BBX: variants seen among roughly 807,000 people sequenced by gnomAD.
BBX encodes the protein HMG box transcription factor BBX.
BBX carries 30 observed loss-of-function variants against 100.2 expected under a neutral mutation model. That is an observed-to-expected ratio of 0.30 (90% CI 0.22 to 0.41). The LOEUF is 0.41. Among genes scored for constraint, BBX ranks in the 10% least tolerant of loss-of-function variants. BBX has a pLI of 1.00. For synonymous variants in BBX, 376 were observed against 388.1 expected (o/e 0.97, Z 0.37); for missense variants, 1,023 against 1,129.8 (o/e 0.91, Z 1.35).
At chr3:107,648,075 A>G (rs2057629914) in intron 3 of BBX, among the ~76,000 whole-genome samples, 1 of 152,164 alleles carries the variant, frequency 6.6e-6, no homozygotes, top group African/African-American at 2.4e-5. Context: ...ACATATTTTA[A>G]CTATTATATC....
At chr3:107,706,626 G>A (rs1317762284) in intron 3 of BBX, among the ~76,000 whole-genome samples, 1 of 152,124 alleles carries the variant, frequency 6.6e-6, no homozygotes, top group Non-Finnish European at 1.5e-5. Flanking sequence ...CAGAATGGAA[G>A]AATAACGTCT....
At chr3:107,661,951 C>G (rs1269298193) in intron 3 of BBX, 3 of 959,232 alleles carry the variant, frequency 3.1e-6, no homozygotes, top group Non-Finnish European at 3.7e-6. Flanking sequence ...TGTAGTAAGT[C>G]ATTCAGCATT....
In BBX at chr3:107,805,405, A is replaced by C. The variant is rs777581710; in HGVS notation, c.2774A>C (p.Gln925Pro). Residue 925 changes from glutamine (Q) to proline (P), a missense_variant, in exon 18 of 18, where the codon CAG becomes CCG. By Grantham distance (76) the Gln-to-Pro change is moderately conservative. This residue lies in a region of BBX where 104 missense variants were observed against 132.2 expected (regional missense o/e 0.79). Coordinates refer to ENST00000325805, the MANE Select transcript of BBX (RefSeq NM_001142568.3). ...QRSTPLTHDG[Q>P]PKEMPQAPVL... ...TCAACTCCGCTCACCCATGATGGAC[A>C]GCCAAAAGAAATGCCGCAGGCTCCT... 1 of 1,614,070 alleles carries C rather than the reference A, an allele frequency of 6.2e-7. No individual in the cohort carries two copies. Among genetic ancestry groups the C allele is most frequent in the Non-Finnish European group, 8.5e-7 (1 of 1,179,968 alleles).
chr3:107,639,337 C>G (rs897169869), intron 2 of BBX, among the ~76,000 whole-genome samples: 6 of 152,180 alleles, frequency 3.9e-5, no homozygotes, highest in Admixed American at 3.9e-4. Context: ...AAGGTGCAGG[C>G]TGATGCCTAA....
intron 2 of BBX, among the ~76,000 whole-genome samples, chr3:107,564,364 G>C (rs1475544148): frequency 6.6e-6 from 1 of 152,064 alleles, no homozygotes; most frequent in Non-Finnish European, 1.5e-5. Context: ...TAACTTTGTA[G>C]TGTCATGTCT....
At chr3:107,724,904 G>T (rs1222930151) in intron 5 of BBX, among the ~76,000 whole-genome samples, 2 of 151,988 alleles carry the variant, frequency 1.3e-5, no homozygotes, top group Non-Finnish European at 1.5e-5. Context: ...CCTTTTTGGT[G>T]CCATATGAAC....
chr3:107,605,290 A>G (rs758663791), intron 2 of BBX, among the ~76,000 whole-genome samples: 5 of 152,096 alleles, frequency 3.3e-5, no homozygotes, highest in Admixed American at 3.3e-4. Context: ...ATCAAACCAC[A>G]GTAGCTGATG....
chr3:107,549,922 T>C (rs1238798112), intron 2 of BBX, among the ~76,000 whole-genome samples: 2 of 151,302 alleles, frequency 1.3e-5, no homozygotes. Context: ...ATTTAAATTT[T>C]AAAATAACTC....
At chr3:107,586,307 C>T (rs1000808746) in intron 2 of BBX, among the ~76,000 whole-genome samples, 2 of 152,106 alleles carry the variant, frequency 1.3e-5, no homozygotes, top group Non-Finnish European at 2.9e-5. Flanking sequence ...AACTTGTATG[C>T]AGTTTGTTGT....
chr3:107,758,567 A>G (rs192188638), intron 10 of BBX, among the ~76,000 whole-genome samples: 211 of 152,220 alleles, frequency 1.4e-3, no homozygotes, highest in African/African-American at 4.5e-3. Context: ...GTGATACTCA[A>G]CTGGTTTGCC....
intron 3 of BBX, among the ~76,000 whole-genome samples, chr3:107,664,497 A>G (rs968108400): frequency 6.6e-6 from 1 of 152,224 alleles, no homozygotes; most frequent in African/African-American, 2.4e-5. Context: ...TGTAAACATC[A>G]TCTTAACAAA....
intron 15 of BBX, among the ~76,000 whole-genome samples, chr3:107,795,657 G>A (rs1339122509): frequency 9.0e-6 from 1 of 111,002 alleles, no homozygotes; most frequent in Non-Finnish European, 1.7e-5. Context: ...CACTTGGTCT[G>A]CAGTCTGATT....
At chr3:107,802,833 A>G (rs755991075) in intron 17 of BBX, among the ~76,000 whole-genome samples, 1 of 152,142 alleles carries the variant, frequency 6.6e-6, no homozygotes. Flanking sequence ...AGATACGCCA[A>G]GCTCTTGCCT....
rs1451522357 is a variant in BBX at position 107,559,774 on chromosome 3, GCT to G, written c.-84+33379_-84+33380del. ...TTGTTTTTTCTTTAAACAGATTCTC[GCT>G]CTGTCACCCTGGCTGGAGTGAAGTG... On this transcript the variant is annotated intron_variant, in intron 2 of 17. Coordinates refer to ENST00000325805, the MANE Select transcript of BBX (RefSeq NM_001142568.3). Among the ~76,000 whole-genome samples, 6 of 152,218 alleles carry G rather than the reference GCT, an allele frequency of 3.9e-5. No homozygotes were observed. The East Asian group carries it at 1.2e-3, about 29-fold the overall frequency.
intron 4 of BBX, among the ~76,000 whole-genome samples, chr3:107,716,203 CA>C (rs996420984): frequency 2.6e-5 from 4 of 152,014 alleles, no homozygotes; most frequent in African/African-American, 9.7e-5. Flanking sequence ...GCCCATTAAC[CA>C]TAGAATGGGT....
intron 2 of BBX, among the ~76,000 whole-genome samples, chr3:107,584,670 A>ATTTTT (rs1260656507): frequency 4.3e-5 from 3 of 69,778 alleles, no homozygotes; most frequent in Admixed American, 3.6e-4. Context: ...TTCCGTTGAA[A>ATTTTT]TCTTTTTTTT....
intron 3 of BBX, among the ~76,000 whole-genome samples, chr3:107,652,949 C>G (rs769490478): frequency 6.6e-6 from 1 of 152,136 alleles, no homozygotes; most frequent in South Asian, 2.1e-4. Flanking sequence ...CTATTTTGTG[C>G]ATGTCTGTAT....
At chr3:107,676,394 C>A (rs1477213478) in intron 3 of BBX, among the ~76,000 whole-genome samples, 1 of 152,098 alleles carries the variant, frequency 6.6e-6, no homozygotes, top group African/African-American at 2.4e-5. Context: ...TAAAAGGAGC[C>A]TTTACAGCTG....
At chr3:107,541,820 ATT>A (rs5851557) in intron 2 of BBX, among the ~76,000 whole-genome samples, 1 of 144,944 alleles carries the variant, frequency 6.9e-6, no homozygotes. Flanking sequence ...AAATTCTATA[ATT>A]TTTTTTTTTT....
Sources: allele counts gnomAD v4.1 joint callset (sites outside exome capture counted in the v4.1 genomes callset), GRCh38; gene constraint gnomAD v4.1.1; regional missense constraint gnomAD v4.1.1; transcripts MANE v1.5; gene names NCBI Gene and HGNC (gene_info 2026-07-23, HGNC 2026-07-21).